The following ITGAX variants were observed in gnomAD, a reference collection of about 807,000 sequenced individuals.
ITGAX encodes the protein integrin alpha-X.
A neutral mutation model predicts 140.2 loss-of-function variants in ITGAX; 99 were observed. That is an observed-to-expected ratio of 0.71 (90% confidence interval 0.60 to 0.83). The LOEUF is 0.83. Ranked by LOEUF, ITGAX falls within the 40% of genes least tolerant of loss-of-function variation. The probability of loss-of-function intolerance (pLI) is 0.00; values close to 1 mark genes in which losing one functional copy is unlikely to be tolerated. For synonymous variants in ITGAX, 631 were observed against 600.4 expected (o/e 1.05, Z -0.75); for missense variants, 1,444 against 1,482.0 (o/e 0.97, Z 0.42).
Position 31,376,847 on chromosome 16 carries a change from G to C in ITGAX, c.2557G>C (p.Val853Leu). 6.2e-7 allele frequency: 1 copy of C among 1,614,244 alleles called. No individual in the cohort carries two copies. The highest frequency in any genetic ancestry group is 8.5e-7 in the Non-Finnish European group (1 of 1,180,042). The change falls in exon 21 of 30, where the codon GTT becomes CTT. Residue 853 changes from valine (V) to leucine (L), a missense_variant. Coordinates refer to ENST00000268296, the MANE Select transcript of ITGAX (RefSeq NM_000887.5). ...SLHLTCDSAP[V>L]GSQGTWSTSC... ...GCACCTGACATGTGACAGCGCCCCA[G>C]TTGGGAGCCAGGGCACCTGGAGCAC...
chr16:31,361,062 G>A lies in ITGAX; in HGVS notation c.862-1G>A. ...ACTGAGTTGATCTTTTCTGGGGACA[G>A]GTTGGATTAGCTTTTCAAAACAGAA... is the stretch of plus-strand genomic sequence containing the variant. On this transcript the variant is annotated splice_acceptor_variant, in intron 8 of 29. Transcript: ENST00000268296. LOFTEE classifies it high-confidence loss of function. 1 of 1,612,770 alleles carries A rather than the reference G, an allele frequency of 6.2e-7. No individual in the cohort carries two copies. Among genetic ancestry groups the A allele is most frequent in the Non-Finnish European group, 8.5e-7 (1 of 1,179,712 alleles).
chr16:31,372,277 G>GCGC, intron 17 of ITGAX, 101 bp from the exon 18 acceptor site: 1 of 1,412,464 alleles, frequency 7.1e-7, no homozygotes, highest in East Asian at 2.4e-5. Flanking sequence ...AGCTGAAGCC[G>GCGC]CGCGGGAGCT....
chr16:31,360,210 G>T, intron 7 of ITGAX, 100 bp from the exon 8 acceptor site: 1 of 1,511,696 alleles, frequency 6.6e-7, no homozygotes, highest in Non-Finnish European at 8.9e-7. Context: ...GGTGGGACTG[G>T]GGCCTCCCAA....
chr16:31,379,218 A>G (rs2081046218), intron 23 of ITGAX, among the ~76,000 whole-genome samples: 1 of 150,416 alleles, frequency 6.6e-6, no homozygotes, highest in Non-Finnish European at 1.5e-5. Flanking sequence ...CTGGGCTCAA[A>G]CAATTCTCCT....
chr16:31,380,781 A>G, intron 28 of ITGAX, 116 bp from the exon 29 acceptor site: 1 of 1,261,034 alleles, frequency 7.9e-7, no homozygotes, highest in South Asian at 1.3e-5. Context: ...GCTGTGTCTC[A>G]CCTCTTGGAG....
At chr16:31,374,745 T>G (rs940257173) in intron 20 of ITGAX, among the ~76,000 whole-genome samples, 3 of 152,238 alleles carry the variant, frequency 2.0e-5, no homozygotes, top group Non-Finnish European at 2.9e-5. Flanking sequence ...CCTGACCTGC[T>G]AAAGTATTTT....
chr16:31,356,843 C>A, intron 3 of ITGAX, 115 bp downstream of exon 3: 3 of 871,358 alleles, frequency 3.4e-6, no homozygotes, highest in Non-Finnish European at 3.5e-6. Context: ...GAGACCCTCA[C>A]CCTCAGATAT....
chr16:31,369,289 A>C (rs1411050338), intron 14 of ITGAX, among the ~76,000 whole-genome samples: 6 of 121,194 alleles, frequency 5.0e-5, no homozygotes, highest in African/African-American at 8.8e-5. Flanking sequence ...CGGGGGGCTG[A>C]CCCCCCCCCC....
chr16:31,368,109 A>T (rs539637555), intron 14 of ITGAX, among the ~76,000 whole-genome samples: 1 of 151,484 alleles, frequency 6.6e-6, no homozygotes, highest in South Asian at 2.1e-4. Context: ...TGAAACTTGC[A>T]CAGATGAGGA....
In ITGAX at chr16:31,373,249, C is replaced by T; in HGVS notation, c.2367C>T (p.Gly789=). The part of the protein sequence containing the change: ...DNLGISFSFP[G]LKSLLVGSNL... The stretch of plus-strand genomic sequence containing the variant: ...CTCCTTTCCTTCACCTGATACCCAG[C>T]TTGAAGTCCCTGCTGGTGGGGAGTA... The change falls in exon 20 of 30, where the codon GGC becomes GGT. Residue 789 remains glycine, a splice_region_variant and synonymous_variant. Coordinates refer to ENST00000268296, the MANE Select transcript of ITGAX (RefSeq NM_000887.5). The T allele has an allele frequency of 6.2e-7, 1 of 1,610,530 alleles. No homozygotes were observed. The highest frequency in any genetic ancestry group is 8.5e-7 in the Non-Finnish European group (1 of 1,178,044).
At chr16:31,366,091 C>T (rs373116900) in intron 14 of ITGAX, among the ~76,000 whole-genome samples, 1 of 152,218 alleles carries the variant, frequency 6.6e-6, no homozygotes, top group East Asian at 1.9e-4. Context: ...TTGTTTTATG[C>T]GCTTTGCAGA....
intron 14 of ITGAX, 143 bp from the exon 15 acceptor site, chr16:31,370,941 T>C (rs2080949736): frequency 2.0e-6 from 2 of 1,004,372 alleles, no homozygotes; most frequent in African/African-American, 3.2e-5. Context: ...CCTCCTCTTT[T>C]CAGGTTCTTC....
intron 28 of ITGAX, 73 bp downstream of exon 28, chr16:31,380,697 G>T: frequency 6.3e-7 from 1 of 1,583,304 alleles, no homozygotes; most frequent in Non-Finnish European, 8.7e-7. Context: ...GTGCTGGGTG[G>T]GGGGTTTGCA....
Position 31,360,934 on chromosome 16 carries a change from T to G in ITGAX, c.862-129T>G, listed in dbSNP as rs1425319542. 5.8e-6 allele frequency: 5 copies of G among 867,546 alleles called. No homozygotes were observed. In the African/African-American group the frequency reaches 8.5e-5, roughly 15 times the overall value. 53.7% of individuals were successfully genotyped at this position (867,546 alleles called of 1,614,324 possible). ...TAAACTCCCTGATGCTGTCCGGGCT[T>G]CGTGTTTCTCCTGTGTCCACCGGGT... On this transcript the variant is annotated intron_variant, in intron 8 of 29. Coordinates refer to ENST00000268296, the MANE Select transcript of ITGAX (RefSeq NM_000887.5).
intron 23 of ITGAX, 131 bp from the exon 24 acceptor site, chr16:31,379,435 CTA>C (rs2081047855): frequency 1.2e-6 from 1 of 852,780 alleles, no homozygotes; most frequent in South Asian, 1.7e-5. Flanking sequence ...CTCTTATAAC[CTA>C]ACTCAGCCAC....
chr16:31,372,178 GA>G (rs2080973364), intron 17 of ITGAX, among the ~76,000 whole-genome samples, 199 bp from the exon 18 acceptor site: 2 of 150,152 alleles, frequency 1.3e-5, no homozygotes, highest in South Asian at 4.3e-4. Flanking sequence ...GGGGGGGGAG[GA>G]AAAAAACAAA....
intron 29 of ITGAX, 35 bp from the exon 30 acceptor site, chr16:31,381,768 G>T: frequency 2.3e-6 from 2 of 869,016 alleles, no homozygotes; most frequent in Non-Finnish European, 4.0e-6. Flanking sequence ...CCACTGAATG[G>T]GCTTCCTGAG....
At position 31,373,362 on chromosome 16, in the gene ITGAX, T is replaced by A. The variant is rs768632927; in HGVS notation, c.2480T>A (p.Leu827Gln). Residue 827 changes from leucine to glutamine, a missense_variant, in exon 20 of 30, where the codon CTG (leucine) becomes CAG (glutamine). Transcript: ENST00000268296. ...ATCACCTTCTCCCACCCCGCAGGAC[T>A]GTCCTACCGCTACGTGGCAGAGGGC... ...TTITFSHPAG[L>Q]SYRYVAEGQK... 2.5e-6 allele frequency: 4 copies of A among 1,612,910 alleles called. No homozygotes were observed. The highest frequency in any genetic ancestry group is 2.5e-6 in the Non-Finnish European group (3 of 1,179,724).
intron 7 of ITGAX, 46 bp downstream of exon 7, chr16:31,360,111 T>C (rs372655082): frequency 3.1e-6 from 5 of 1,602,304 alleles, no homozygotes; most frequent in Non-Finnish European, 4.2e-6. Flanking sequence ...CACCCAGGTC[T>C]TCCCTTGGGC....
Sources: allele counts gnomAD v4.1 joint callset (sites outside exome capture counted in the v4.1 genomes callset), GRCh38; gene constraint gnomAD v4.1.1; transcripts MANE v1.5; gene names NCBI Gene and HGNC (gene_info 2026-07-23, HGNC 2026-07-21).